The following NPNT variants were observed in gnomAD, a reference collection of about 807,000 sequenced individuals.
NPNT encodes nephronectin, also known as preosteoblast EGF-like repeat protein with MAM domain.
In NPNT, 45 loss-of-function variants were observed where a neutral mutation model predicts 68.6. The ratio of observed to expected loss-of-function variants is 0.66; its 90% CI spans 0.52 to 0.84. The LOEUF is 0.84. NPNT is among the 40% of genes least tolerant of loss of function. The pLI is 0.00. For synonymous variants in NPNT, 233 were observed against 253.3 expected (o/e 0.92, Z 0.76); for missense variants, 672 against 714.8 (o/e 0.94, Z 0.68).
chr4:105,927,291 T>C (rs1177516632), intron 2 of NPNT, 45 bp from the exon 3 acceptor site: 2 of 1,183,190 alleles, frequency 1.7e-6, no homozygotes, highest in Non-Finnish European at 2.5e-6. Context: ...ATATGATTGG[T>C]GTTTCGTTGA....
At chr4:105,911,265 G>A (rs973097750) in intron 2 of NPNT, among the ~76,000 whole-genome samples, 1 of 151,488 alleles carries the variant, frequency 6.6e-6, no homozygotes, top group African/African-American at 2.4e-5. Flanking sequence ...AAAATACATA[G>A]CAATCATTCT....
intron 8 of NPNT, among the ~76,000 whole-genome samples, chr4:105,958,263 A>T (rs1306494539): frequency 1.3e-5 from 2 of 152,180 alleles, no homozygotes; most frequent in South Asian, 2.1e-4. Flanking sequence ...AATCATTTTT[A>T]AAAAATGTAC....
At chr4:105,900,424 T>C (rs1326143238) in intron 2 of NPNT, among the ~76,000 whole-genome samples, 1 of 152,230 alleles carries the variant, frequency 6.6e-6, no homozygotes, top group African/African-American at 2.4e-5. Context: ...TTTATTCCGT[T>C]TGGTTGAGCA....
intron 2 of NPNT, among the ~76,000 whole-genome samples, chr4:105,909,511 TC>T (rs1474939063): frequency 6.6e-6 from 1 of 152,214 alleles, no homozygotes; most frequent in Non-Finnish European, 1.5e-5. Flanking sequence ...TGTTCTTAAA[TC>T]TTGTGTTGAG....
intron 2 of NPNT, among the ~76,000 whole-genome samples, chr4:105,909,990 G>A (rs559341240): frequency 7.2e-5 from 11 of 151,896 alleles, no homozygotes; most frequent in African/African-American, 2.7e-4. Context: ...TTTACACTTG[G>A]CCTAATACTT....
intron 8 of NPNT, among the ~76,000 whole-genome samples, chr4:105,957,062 A>G (rs977647111): frequency 6.6e-6 from 1 of 152,204 alleles, no homozygotes; most frequent in African/African-American, 2.4e-5. Context: ...ATAGTGTTCT[A>G]CATCTCCTAC....
At chr4:105,959,592 T>C (rs141033784) in intron 10 of NPNT, among the ~76,000 whole-genome samples, 27 of 151,356 alleles carry the variant, frequency 1.8e-4, no homozygotes, top group African/African-American at 6.5e-4. Flanking sequence ...AAAGTTGTGA[T>C]TATCCTCTGA....
intron 11 of NPNT, 142 bp from the exon 12 acceptor site, chr4:105,968,753 T>C (rs1191648191): frequency 3.5e-6 from 2 of 579,500 alleles, no homozygotes; most frequent in Admixed American, 5.9e-5. Context: ...TCAGTGATAC[T>C]GGCAACTATA....
rs774330718 is a variant in NPNT at position 105,940,587 on chromosome 4, C to T, written c.714C>T (p.Tyr238=). The T allele has an allele frequency of 1.2e-5, 19 of 1,613,158 alleles. No individual in the cohort carries two copies. Among genetic ancestry groups the T allele is most frequent in the Non-Finnish European group, 1.6e-5 (19 of 1,179,260 alleles). The change falls in exon 7 of 12, where the codon TAC becomes TAT. Residue 238 remains tyrosine (Y), a synonymous_variant. Coordinates refer to ENST00000379987, the MANE Select transcript of NPNT (RefSeq NM_001033047.3). ...FARCYNIRGS[Y]KCKCKEGYQG... Reference sequence around the variant, plus strand: ...GATGTTATAACATACGTGGGTCCTACAAGTGCAAATGTAAAGAAGGATACC... The same window carrying T: ...GATGTTATAACATACGTGGGTCCTATAAGTGCAAATGTAAAGAAGGATACC...
chr4:105,902,963 A>T (rs1282143635), intron 2 of NPNT, among the ~76,000 whole-genome samples: 1 of 152,046 alleles, frequency 6.6e-6, no homozygotes, highest in African/African-American at 2.4e-5. Flanking sequence ...ACCTTTATGG[A>T]TTAGAAATTT....
intron 1 of NPNT, among the ~76,000 whole-genome samples, chr4:105,896,868 G>A (rs1195967652): frequency 6.6e-6 from 1 of 152,156 alleles, no homozygotes; most frequent in Non-Finnish European, 1.5e-5. Context: ...TAAAAGAAAA[G>A]GGGAATTGAA....
At chr4:105,915,439 A>C (rs1281119216) in intron 2 of NPNT, among the ~76,000 whole-genome samples, 1 of 152,090 alleles carries the variant, frequency 6.6e-6, no homozygotes, top group African/African-American at 2.4e-5. Flanking sequence ...GTTTTTGAGA[A>C]ACTTACCTAA....
intron 2 of NPNT, among the ~76,000 whole-genome samples, chr4:105,909,741 T>A (rs1323713083): frequency 6.6e-6 from 1 of 152,180 alleles, no homozygotes. Flanking sequence ...GGTTGGGGTA[T>A]GGAGAACTTT....
At chr4:105,934,220 T>A (rs1560915051) in intron 3 of NPNT, among the ~76,000 whole-genome samples, 1 of 152,212 alleles carries the variant, frequency 6.6e-6, no homozygotes, top group African/African-American at 2.4e-5. Context: ...CTTAATTGAA[T>A]GATCTCCAAT....
At chr4:105,945,564 A>G (rs1730317714) in intron 8 of NPNT, among the ~76,000 whole-genome samples, 1 of 152,204 alleles carries the variant, frequency 6.6e-6, no homozygotes. Context: ...CTTCATACAT[A>G]CAGTCAATAT....
intron 8 of NPNT, among the ~76,000 whole-genome samples, chr4:105,951,401 G>T (rs1730824654): frequency 6.6e-6 from 1 of 152,160 alleles, no homozygotes; most frequent in Non-Finnish European, 1.5e-5. Context: ...GCTGCGTGTT[G>T]TCCTGAGGTT....
rs1462235857 is a variant in NPNT at position 105,969,001 on chromosome 4, A to G, written c.*11A>G. ...TCTGAAGAACGCTAACAACTCCAGA[A>G]CTAACAATGAACTCCTATGTTGCTC... On this transcript the variant is annotated 3_prime_UTR_variant, in exon 12 of 12. Coordinates refer to ENST00000379987, the MANE Select transcript of NPNT (RefSeq NM_001033047.3). 1 of 1,521,396 alleles carries G rather than the reference A, an allele frequency of 6.6e-7. No individual in the cohort carries two copies. Among genetic ancestry groups the G allele is most frequent in the South Asian group, 1.1e-5 (1 of 88,928 alleles). 94.2% of individuals were successfully genotyped at this position (1,521,396 alleles called of 1,614,324 possible).
chr4:105,952,541 C>A (rs1395699469), intron 8 of NPNT, among the ~76,000 whole-genome samples: 1 of 152,078 alleles, frequency 6.6e-6, no homozygotes, highest in Admixed American at 6.5e-5. Context: ...GACTCTATCT[C>A]CAAAATAAAA....
At chr4:105,900,366 A>G (rs1473610585) in intron 2 of NPNT, among the ~76,000 whole-genome samples, 6 of 152,192 alleles carry the variant, frequency 3.9e-5, no homozygotes, top group African/African-American at 1.4e-4. Context: ...CCCTCATTAT[A>G]TTATTTAACA....
Sources: gnomAD v4.1 joint callset for allele counts (sites outside exome capture counted in the v4.1 genomes callset) on GRCh38, gnomAD v4.1.1 for gene constraint, MANE v1.5 for transcripts, NCBI Gene and HGNC (gene_info 2026-07-23, HGNC 2026-07-21) for gene names.